Variants in GPI observed in about 807,000 individuals in gnomAD.
The protein encoded by GPI is D-hexose-6-phosphate anomerase.
Under a neutral mutation model 75.8 loss-of-function variants are expected in GPI, and 56 were observed. The ratio of observed to expected loss-of-function variants is 0.74; its 90% confidence interval spans 0.60 to 0.92. The LOEUF is 0.92. GPI is among the 40% of genes least tolerant of loss of function. GPI has a pLI of 0.00. For missense variants in GPI, 638 were observed against 741.0 expected, an observed-to-expected ratio of 0.86 and a Z score of 1.61; for synonymous variants, 288 against 285.4, an observed-to-expected ratio of 1.01 and a Z score of -0.09.
Position 34,393,701 on chromosome 19 carries a change from T to G in GPI, c.866-27T>G. ...CCACAGGACGCAGGGTGTGGCCACT[T>G]CTGTTGACTCTGCTTTTGTGTCACA... On this transcript the variant is annotated intron_variant, in intron 10 of 17. Coordinates refer to ENST00000356487, the MANE Select transcript of GPI (RefSeq NM_000175.5). The surrounding 1 kb of genome is among the most constrained non-coding windows in gnomAD (Gnocchi z 4.4). 3 of 1,612,950 alleles carry G rather than the reference T, an allele frequency of 1.9e-6. No homozygotes were observed. Among genetic ancestry groups the G allele is most frequent in the Non-Finnish European group, 2.5e-6 (3 of 1,179,406 alleles).
At chr19:34,383,824 G>T (rs1397860650) in intron 9 of GPI, among the ~76,000 whole-genome samples, 1 of 152,184 alleles carries the variant, frequency 6.6e-6, no homozygotes, top group Non-Finnish European at 1.5e-5. Flanking sequence ...TCAAGGCTGA[G>T]CCAGTCAGAC....
At position 34,396,476 on chromosome 19, in the gene GPI, G is replaced by A. The variant is rs141136325; in HGVS notation, c.1192+46G>A. On this transcript the variant is annotated intron_variant, in intron 13 of 17. Coordinates refer to ENST00000356487, the MANE Select transcript of GPI (RefSeq NM_000175.5). ...AAGGGTGATGTTGGGGGAGGGAAAG[G>A]ATCTTCCAGAAGAGATATCTCACTT... is the stretch of plus-strand genomic sequence containing the variant. 3.7e-6 allele frequency: 6 copies of A among 1,613,464 alleles called. No individual in the cohort carries two copies. The Admixed American group carries it at 1.0e-4, about 27-fold the overall frequency.
intron 12 of GPI, among the ~76,000 whole-genome samples, chr19:34,395,924 CTTTTCCTTTT>C (rs2074936990): frequency 1.4e-5 from 2 of 146,628 alleles, no homozygotes; most frequent in African/African-American, 5.0e-5. Context: ...CTTTTCCTTT[CTTTTCCTTTT>C]TTTTTTTTTT....
intron 9 of GPI, among the ~76,000 whole-genome samples, chr19:34,391,117 C>T (rs2074821045): frequency 6.7e-6 from 1 of 148,422 alleles, no homozygotes; most frequent in African/African-American, 2.5e-5. Context: ...AGGTTTGAGG[C>T]CCTTGGGCTT....
At chr19:34,383,602 A>C (rs1300747755) in intron 9 of GPI, among the ~76,000 whole-genome samples, 1 of 152,174 alleles carries the variant, frequency 6.6e-6, no homozygotes, top group Non-Finnish European at 1.5e-5. Context: ...GAGGCCTCTG[A>C]GAATTTGTGA....
At chr19:34,390,190 G>T (rs777675047) in intron 9 of GPI, among the ~76,000 whole-genome samples, 2 of 146,384 alleles carry the variant, frequency 1.4e-5, no homozygotes, top group Non-Finnish European at 3.0e-5. Flanking sequence ...TGGCACAGGT[G>T]TGAGGATCTG....
intron 8 of GPI, 87 bp downstream of exon 8, chr19:34,379,649 G>C: frequency 2.7e-6 from 3 of 1,097,446 alleles, no homozygotes; most frequent in South Asian, 2.5e-5. Context: ...CGGTTCGTAG[G>C]TCTGGTGGAT....
Position 34,366,791 on chromosome 19 carries a change from C to T in GPI, c.222C>T (p.Ser74=). 6.2e-7 allele frequency: 1 copy of T among 1,612,804 alleles called. No individual in the cohort carries two copies. Among genetic ancestry groups the T allele is most frequent in the Non-Finnish European group, 8.5e-7 (1 of 1,179,522 alleles). Reference sequence around the variant, plus strand: ...GTATCGTCTCTTCCTAGGCCAAGTCCAGGGGCGTGGAGGCCGCCCGGGAGC... The same window carrying T: ...GTATCGTCTCTTCCTAGGCCAAGTCTAGGGGCGTGGAGGCCGCCCGGGAGC... ...VMRMLVDLAK[S]RGVEAARERM... Residue 74 remains serine, a synonymous_variant, in exon 3 of 18, where the codon TCC becomes TCT. Transcript: ENST00000356487.
chr19:34,365,247 G>C lies in GPI; in HGVS notation c.-20G>C. On this transcript the variant is annotated 5_prime_UTR_variant, in exon 1 of 18. Transcript: ENST00000356487. ...TCCTCCTCGGCTCGCGTCTCACTCA[G>C]TGTACCTTCTAGTCCCGCCATGGCC... 15 of 1,548,382 alleles carry C rather than the reference G, an allele frequency of 9.7e-6. No homozygotes were observed. The highest frequency in any genetic ancestry group is 1.2e-5 in the South Asian group (1 of 84,584).
upstream of GPI, chr19:34,364,764 C>G: frequency 2.3e-6 from 1 of 430,726 alleles, no homozygotes; most frequent in Non-Finnish European, 4.1e-6. Context: ...CCAGCAGACA[C>G]ACATCATCTG....
At chr19:34,388,444 A>G (rs547577539) in intron 9 of GPI, among the ~76,000 whole-genome samples, 17 of 152,118 alleles carry the variant, frequency 1.1e-4, no homozygotes, top group African/African-American at 3.9e-4. Flanking sequence ...CACTACACTC[A>G]GGCCTGGGCG....
Position 34,386,308 on chromosome 19 carries a change from C to T in GPI, c.804+4789C>T, listed in dbSNP as rs34693694. On this transcript the variant is annotated intron_variant, in intron 9 of 17. Coordinates refer to ENST00000356487, the MANE Select transcript of GPI (RefSeq NM_000175.5). ...ACAGGTAGGTAGAGATAGCCTTTCA[C>T]GTGTGGTCTGAGAACCCAGGTTCAA... Among the ~76,000 whole-genome samples the T allele has an allele frequency of 6.0e-3, 815 of 135,574 alleles. 4 individuals carry two copies. Among genetic ancestry groups the T allele is most frequent in the Middle Eastern group, 0.032 (7 of 222 alleles). The allele number at this position is 135,574 out of a possible 152,430, so 88.9% of individuals were successfully genotyped here.
At position 34,401,427 on chromosome 19, in the gene GPI, T is replaced by TA. The variant is rs904614946; in HGVS notation, c.*1392dup. On this transcript the variant is annotated 3_prime_UTR_variant, in exon 18 of 18. Coordinates refer to ENST00000356487, the MANE Select transcript of GPI (RefSeq NM_000175.5). ...TAGCAGAGACAGTGTCTCACTGTGT[T>TA]AGTCAGGATGGTCTCGATCTCCTGA... 6 of 152,042 alleles carry TA rather than the reference T, an allele frequency of 3.9e-5. No homozygotes were observed. The highest frequency in any genetic ancestry group is 2.0e-4 in the Admixed American group (3 of 15,260). The allele number at this position is 152,042 out of a possible 1,614,324, so 9.4% of individuals were successfully genotyped here. A position where few individuals can be genotyped will look rare whatever the true frequency, so the allele number is the denominator to read the frequency against.
intron 6 of GPI, 62 bp from the exon 7 acceptor site, chr19:34,378,872 T>C: frequency 7.8e-7 from 1 of 1,277,368 alleles, no homozygotes; most frequent in Non-Finnish European, 1.1e-6. Flanking sequence ...TGCTGAACCC[T>C]GGCTCAAGGC....
chr19:34,400,298 C>A lies in GPI; in HGVS notation c.*262C>A, dbSNP rs1017706437. ...GACCCATGTTCACGTTGTTCACATCCCATGTAGAAAAATAAAGATGCCACG... is the reference window on the plus strand; with the variant it reads ...GACCCATGTTCACGTTGTTCACATCACATGTAGAAAAATAAAGATGCCACG... On this transcript the variant is annotated 3_prime_UTR_variant, in exon 18 of 18. Transcript: ENST00000356487. The A allele has an allele frequency of 8.4e-6, 5 of 598,410 alleles. No homozygotes were observed. Among genetic ancestry groups the A allele is most frequent in the Admixed American group, 3.0e-5 (1 of 33,888 alleles). 37.1% of individuals were successfully genotyped at this position (598,410 alleles called of 1,614,324 possible).
chr19:34,379,999 T>G (rs978471016), intron 8 of GPI: 11 of 208,548 alleles, frequency 5.3e-5, no homozygotes, highest in Admixed American at 1.1e-4. Flanking sequence ...TGTTTTTTTT[T>G]TTTTTTTTTT....
intron 12 of GPI, among the ~76,000 whole-genome samples, chr19:34,395,084 A>G (rs2074924928): frequency 6.6e-6 from 1 of 152,198 alleles, no homozygotes; most frequent in African/African-American, 2.4e-5. Flanking sequence ...GGGCAGGTAC[A>G]GAAGGCTTCA....
Position 34,368,616 on chromosome 19 carries a change from C to G in GPI, c.316C>G (p.Arg106Gly), listed in dbSNP as rs781682978. 1 of 1,614,100 alleles carries G rather than the reference C, an allele frequency of 6.2e-7. No homozygotes were observed. Among genetic ancestry groups the G allele is most frequent in the Admixed American group, 1.7e-5 (1 of 60,012 alleles). The change falls in exon 4 of 18, where the codon CGG becomes GGG. Residue 106 changes from arginine to glycine, a missense_variant. Physicochemically the swap from Arg to Gly is moderately radical, Grantham distance 125. Transcript: ENST00000356487. ...RAVLHVALRNRSNTPILVDGK... is the reference protein window; with the variant it reads ...RAVLHVALRNGSNTPILVDGK... Reference sequence around the variant, plus strand: ...CGTGCTGCACGTGGCTCTGCGGAACCGGTCAAACACACCCATCCTGGTAGA... The same window carrying G: ...CGTGCTGCACGTGGCTCTGCGGAACGGGTCAAACACACCCATCCTGGTAGA...
upstream of GPI, chr19:34,365,149 G>C (rs982801870): frequency 2.0e-5 from 25 of 1,231,934 alleles, 1 homozygote; most frequent in Middle Eastern, 3.2e-4. Context: ...GGGCCGGGCC[G>C]GGCCGGGCGC....
Sources: gnomAD v4.1 joint callset for allele counts (sites outside exome capture counted in the v4.1 genomes callset) on GRCh38, gnomAD v4.1.1 for gene constraint, Gnocchi (gnomAD v3.1) non-coding constraint, MANE v1.5 for transcripts, NCBI Gene and HGNC (gene_info 2026-07-23, HGNC 2026-07-21) for gene names.